The following TPD52L1 variants were observed in gnomAD, a reference collection of about 807,000 sequenced individuals.
The protein encoded by TPD52L1 is tumor protein D53.
Under a neutral mutation model 28.7 loss-of-function variants are expected in TPD52L1, and 18 were observed. That is an observed-to-expected ratio of 0.63 (90% CI 0.43 to 0.93). TPD52L1 has a LOEUF of 0.93. Ranked by LOEUF, TPD52L1 falls within the 40% of genes least tolerant of loss-of-function variation. The pLI is 0.00. For missense variants in TPD52L1, 203 were observed against 254.8 expected (o/e 0.80, Z 1.39); for synonymous variants, 75 against 88.8 (o/e 0.84, Z 0.88).
chr6:125,203,867 G>A, intron 1 of TPD52L1: 1 of 843,578 alleles, frequency 1.2e-6, no homozygotes, highest in Non-Finnish European at 1.4e-6. Flanking sequence ...TTCTAAAACA[G>A]TTTATAAACA....
At chr6:125,188,447 C>A (rs543632969) in intron 1 of TPD52L1, among the ~76,000 whole-genome samples, 2 of 152,224 alleles carry the variant, frequency 1.3e-5, no homozygotes, top group Admixed American at 6.5e-5. Context: ...CAATGTGAAA[C>A]AATAAAATTA....
chr6:125,219,745 G>A (rs1244842721), intron 1 of TPD52L1: 2 of 353,958 alleles, frequency 5.7e-6, no homozygotes. Flanking sequence ...GCGGGCCTTG[G>A]GCTTTGTCCT....
At chr6:125,209,766 A>G (rs536812335) in intron 1 of TPD52L1, among the ~76,000 whole-genome samples, 2 of 152,328 alleles carry the variant, frequency 1.3e-5, no homozygotes, top group East Asian at 3.9e-4. Context: ...GGAAATTGTC[A>G]TATTGTTCAG....
intron 1 of TPD52L1, among the ~76,000 whole-genome samples, chr6:125,181,071 C>G (rs538055943): frequency 6.6e-6 from 1 of 152,246 alleles, no homozygotes; most frequent in African/African-American, 2.4e-5. Context: ...TTGTTTTTCT[C>G]TTTAAGATCT....
At chr6:125,163,951 C>A (rs1337307192) in intron 1 of TPD52L1, among the ~76,000 whole-genome samples, 2 of 150,794 alleles carry the variant, frequency 1.3e-5, no homozygotes, top group Admixed American at 6.6e-5. Flanking sequence ...AGAAAAAAAC[C>A]AATAATAATA....
At chr6:125,223,776 T>C (rs1239550799) in intron 2 of TPD52L1, among the ~76,000 whole-genome samples, 1 of 150,952 alleles carries the variant, frequency 6.6e-6, no homozygotes, top group Non-Finnish European at 1.5e-5. Flanking sequence ...ATTGTTGTGG[T>C]CATGCAATAT....
chr6:125,248,310 C>A lies in TPD52L1; in HGVS notation c.313C>A (p.His105Asn). 1 of 1,614,064 alleles carries A rather than the reference C, an allele frequency of 6.2e-7. No individual in the cohort carries two copies. Among genetic ancestry groups the A allele is most frequent in the South Asian group, 1.1e-5 (1 of 91,058 alleles). The change falls in exon 4 of 7, where the codon CAC (histidine) becomes AAC (asparagine). Residue 105 changes from histidine (H) to asparagine (N), a missense_variant. Transcript: ENST00000534000. ...AYKKTHETLS[H>N]AGQKATAAFS... ...CAAGAAAACACATGAAACCCTGAGT[C>A]ACGCAGGGCAAAAGGCAACTGCAGC... is the stretch of plus-strand genomic sequence containing the variant.
chr6:125,193,667 A>C (rs1164726128), intron 1 of TPD52L1, among the ~76,000 whole-genome samples: 1 of 152,242 alleles, frequency 6.6e-6, no homozygotes, highest in Admixed American at 6.5e-5. Flanking sequence ...TATGCAACAC[A>C]CATACAGATG....
chr6:125,248,654 G>T (rs968745663), intron 4 of TPD52L1, among the ~76,000 whole-genome samples: 1 of 152,054 alleles, frequency 6.6e-6, no homozygotes, highest in African/African-American at 2.4e-5. Context: ...TAGTGAGGCA[G>T]ATTTGAAAAG....
Position 125,262,865 on chromosome 6 carries a change from G to A in TPD52L1, c.518G>A (p.Gly173Asp). Residue 173 changes from glycine to aspartate, a missense_variant, in exon 7 of 7, where the codon GGC (glycine) becomes GAC (aspartate). By Grantham distance (94) the Gly-to-Asp change is moderately conservative. Transcript: ENST00000534000. ...TKVGGTNPNG[G>D]SFEEVLSSTA... ...GTAGGCGGTACGAACCCTAATGGAG[G>A]CAGTTTTGAGGAGGTCCTCAGCTCC... The A allele has an allele frequency of 3.7e-6, 6 of 1,614,218 alleles. No homozygotes were observed. The highest frequency in any genetic ancestry group is 5.1e-6 in the Non-Finnish European group (6 of 1,180,022).
chr6:125,157,608 G>A (rs1790221617), intron 1 of TPD52L1, among the ~76,000 whole-genome samples: 3 of 152,112 alleles, frequency 2.0e-5, no homozygotes, highest in South Asian at 4.2e-4. Flanking sequence ...TGGAAATGTA[G>A]CATTTTCCCG....
chr6:125,199,990 A>G (rs1165430547), intron 1 of TPD52L1, among the ~76,000 whole-genome samples: 1 of 152,208 alleles, frequency 6.6e-6, no homozygotes, highest in Non-Finnish European at 1.5e-5. Flanking sequence ...GGTCATTGCT[A>G]CCTTTCACAG....
chr6:125,217,787 A>G (rs755123101), intron 1 of TPD52L1, among the ~76,000 whole-genome samples: 2 of 152,148 alleles, frequency 1.3e-5, no homozygotes, highest in Non-Finnish European at 2.9e-5. Context: ...TTATAATTTA[A>G]TTCCTAAGTG....
intron 3 of TPD52L1, among the ~76,000 whole-genome samples, chr6:125,241,710 C>T (rs1050313467): frequency 1.3e-5 from 2 of 151,862 alleles, no homozygotes; most frequent in Non-Finnish European, 2.9e-5. Context: ...GATTCTCTCT[C>T]TTGTTTTCTT....
intron 2 of TPD52L1, among the ~76,000 whole-genome samples, chr6:125,224,084 A>G (rs1795439847): frequency 1.3e-5 from 2 of 149,248 alleles, no homozygotes; most frequent in Non-Finnish European, 1.5e-5. Flanking sequence ...CTCTCTCTTT[A>G]AGTACACTTG....
At chr6:125,232,154 T>C (rs1004573278) in intron 3 of TPD52L1, among the ~76,000 whole-genome samples, 2 of 152,188 alleles carry the variant, frequency 1.3e-5, no homozygotes, top group Admixed American at 6.5e-5. Flanking sequence ...GAAAACTAGA[T>C]GACTAGATGA....
chr6:125,224,325 C>A (rs1411817204), intron 2 of TPD52L1, among the ~76,000 whole-genome samples: 1 of 152,188 alleles, frequency 6.6e-6, no homozygotes, highest in African/African-American at 2.4e-5. Context: ...ACAGCATTAT[C>A]AAGTAAGTAA....
intron 1 of TPD52L1, among the ~76,000 whole-genome samples, chr6:125,172,152 CTTTCT>C (rs1376600374): frequency 0.022 from 1,107 of 50,710 alleles, 7 homozygotes; most frequent in African/African-American, 0.053. Flanking sequence ...TTCTTTCTTT[CTTTCT>C]TTTCTTTCTT....
chr6:125,171,200 G>A lies in TPD52L1; in HGVS notation c.19+17230G>A, dbSNP rs150128971. On this transcript the variant is annotated intron_variant, in intron 1 of 6. Coordinates refer to ENST00000534000, the MANE Select transcript of TPD52L1 (RefSeq NM_003287.4). Reference sequence around the variant, plus strand: ...CGGAAACTTTGAGAATGAGCCATTTGTGTTTTAACATGCACTCTAGGAGAT... The same window carrying A: ...CGGAAACTTTGAGAATGAGCCATTTATGTTTTAACATGCACTCTAGGAGAT... 2.0e-4 allele frequency among the ~76,000 whole-genome samples: 30 copies of A among 152,252 alleles called. No homozygotes were observed. The East Asian group carries it at 4.1e-3, about 21-fold the overall frequency.
Sources: gnomAD v4.1 joint callset for allele counts (sites outside exome capture counted in the v4.1 genomes callset) on GRCh38, gnomAD v4.1.1 for gene constraint, MANE v1.5 for transcripts, NCBI Gene and HGNC (gene_info 2026-07-23, HGNC 2026-07-21) for gene names.